The following ABLIM1 variants were observed in gnomAD, a reference collection of about 807,000 sequenced individuals.
ABLIM1 encodes actin-binding LIM protein 1.
A neutral mutation model predicts 107.0 loss-of-function variants in ABLIM1; 40 were observed. That is an observed-to-expected ratio of 0.37 (90% CI 0.29 to 0.49). The LOEUF is 0.49. Ranked by LOEUF, ABLIM1 falls within the 20% of genes least tolerant of loss-of-function variation. The pLI, the probability that ABLIM1 is intolerant of heterozygous loss-of-function variation, is 0.97. For missense variants in ABLIM1, 857 were observed against 1,008.5 expected (o/e 0.85, Z 2.04); for synonymous variants, 357 against 357.3 (o/e 1.00, Z 0.01).
intron 6 of ABLIM1, among the ~76,000 whole-genome samples, chr10:114,538,188 G>C (rs1433194445): frequency 6.6e-6 from 1 of 152,172 alleles, no homozygotes; most frequent in African/African-American, 2.4e-5. Flanking sequence ...CCTCAGCTTT[G>C]TGAAAAAGCA....
chr10:114,453,965 G>A (rs562770759), intron 12 of ABLIM1, among the ~76,000 whole-genome samples: 8 of 152,184 alleles, frequency 5.3e-5, no homozygotes, highest in Admixed American at 1.3e-4. Flanking sequence ...CTGGGAACCC[G>A]TGTGGTCACC....
exon 1 of ABLIM1, chr10:114,684,608 CT>C (rs2080884865): frequency 7.8e-7 from 1 of 1,286,080 alleles, no homozygotes. Context: ...GACCCTGCCC[CT>C]ACCACTTCTA....
At chr10:114,459,513 CT>C (rs1215506080) in intron 12 of ABLIM1, among the ~76,000 whole-genome samples, 1 of 151,928 alleles carries the variant, frequency 6.6e-6, no homozygotes, top group Non-Finnish European at 1.5e-5. Context: ...ATACACTAGG[CT>C]TTTAAAGCAA....
At chr10:114,622,672 A>C (rs1361968910) in intron 1 of ABLIM1, among the ~76,000 whole-genome samples, 1 of 152,166 alleles carries the variant, frequency 6.6e-6, no homozygotes, top group Non-Finnish European at 1.5e-5. Flanking sequence ...CTTGAACAAC[A>C]CGGGTTTGAA....
rs2532819 is a variant in ABLIM1, at chr10:114,707,663, G to T, written c.-213+60398C>A. On this transcript the variant is annotated intron_variant, in intron 1 of 15. Transcript: ENST00000651092. The surrounding 1 kb of genome is among the most constrained non-coding windows in gnomAD (Gnocchi z 4.1). Reference sequence around the variant, plus strand: ...ACTTATAATCCCAACACTTTGGGAGGCCGTGGTGGGCGGATCACTTAAGGC... The same window carrying T: ...ACTTATAATCCCAACACTTTGGGAGTCCGTGGTGGGCGGATCACTTAAGGC... Among the ~76,000 whole-genome samples the T allele has an allele frequency of 0.051, 7,702 of 152,152 alleles. 241 individuals carry two copies. The highest frequency in any genetic ancestry group is 0.092 in the Middle Eastern group (27 of 294).
chr10:114,781,883 T>C, the ABLIM1 span, among the ~76,000 whole-genome samples: 1 of 152,048 alleles, frequency 6.6e-6, no homozygotes, highest in Non-Finnish European at 1.5e-5. Context: ...TGTATCTGTT[T>C]GATCAGGAAA....
At chr10:114,729,484 A>G (rs1566280777) in intron 1 of ABLIM1, among the ~76,000 whole-genome samples, 3 of 152,172 alleles carry the variant, frequency 2.0e-5, no homozygotes, top group Non-Finnish European at 4.4e-5. Context: ...TAATTTGCAC[A>G]GTCCAATTCC....
intron 1 of ABLIM1, among the ~76,000 whole-genome samples, chr10:114,691,289 CAATT>C (rs2081072976): frequency 6.6e-6 from 1 of 152,080 alleles, no homozygotes; most frequent in African/African-American, 2.4e-5. Flanking sequence ...ACGTGGATGC[CAATT>C]AATTAATATC....
the ABLIM1 span, among the ~76,000 whole-genome samples, chr10:114,793,592 C>T: frequency 6.6e-6 from 1 of 152,192 alleles, no homozygotes; most frequent in African/African-American, 2.4e-5. Context: ...CCAGCTCCTG[C>T]ACCTGAAATC....
chr10:114,752,842 G>T (rs1372972323), intron 1 of ABLIM1, among the ~76,000 whole-genome samples: 3 of 152,140 alleles, frequency 2.0e-5, no homozygotes, highest in African/African-American at 7.2e-5. Context: ...GTCTATCATT[G>T]ATGGGCATTT....
chr10:114,611,668 A>T (rs1390714016), intron 1 of ABLIM1, among the ~76,000 whole-genome samples: 1 of 152,178 alleles, frequency 6.6e-6, no homozygotes, highest in Non-Finnish European at 1.5e-5. Flanking sequence ...TAGGATTATC[A>T]TAATTCAGCC....
chr10:114,775,038 G>A, the ABLIM1 span, among the ~76,000 whole-genome samples: 3 of 152,238 alleles, frequency 2.0e-5, no homozygotes, highest in South Asian at 4.1e-4. Flanking sequence ...TTGGATGACT[G>A]GGGAGGCCTC....
Position 114,473,105 on chromosome 10 carries a change from A to C in ABLIM1, c.1147T>G (p.Tyr383Asp). The stretch of plus-strand genomic sequence containing the variant: ...TTCGGAATGGCTGCTAAATCCTTGT[A>C]ATCCAGGATCTCATTGTCTACTTTT... The part of the protein sequence containing the change: ...YAKVDNEILD[Y>D]KDLAAIPKVK... Residue 383 changes from tyrosine to aspartate, a missense_variant, in exon 10 of 23, where the codon TAC (tyrosine) becomes GAC (aspartate). Coordinates refer to ENST00000533213, the MANE Select transcript of ABLIM1 (RefSeq NM_002313.7). The C allele has an allele frequency of 6.2e-7, 1 of 1,612,206 alleles. No individual in the cohort carries two copies. Among genetic ancestry groups the C allele is most frequent in the Non-Finnish European group, 8.5e-7 (1 of 1,179,018 alleles).
intron 6 of ABLIM1, among the ~76,000 whole-genome samples, chr10:114,492,228 C>T (rs1283493920): frequency 1.3e-5 from 2 of 152,070 alleles, no homozygotes; most frequent in African/African-American, 2.4e-5. Context: ...GGAGCTAATG[C>T]TGTTTCTAAC....
chr10:114,694,918 C>A (rs2081164375), intron 1 of ABLIM1, among the ~76,000 whole-genome samples: 1 of 152,192 alleles, frequency 6.6e-6, no homozygotes, highest in Non-Finnish European at 1.5e-5. Context: ...CGCAGCAGCG[C>A]CCTCACCTGG....
At chr10:114,797,529 C>T in the ABLIM1 span, among the ~76,000 whole-genome samples, 6 of 152,178 alleles carry the variant, frequency 3.9e-5, no homozygotes, top group African/African-American at 1.4e-4. Flanking sequence ...ATTCCATTCC[C>T]TTGTATCTTC....
chr10:114,736,798 A>C (rs2082189233), intron 1 of ABLIM1, among the ~76,000 whole-genome samples: 1 of 152,248 alleles, frequency 6.6e-6, no homozygotes, highest in Non-Finnish European at 1.5e-5. Flanking sequence ...AGAAGAGGGC[A>C]CACCTGCACA....
At chr10:114,438,012 T>C in intron 21 of ABLIM1, 88 bp from the exon 22 acceptor site, 2 of 1,255,476 alleles carry the variant, frequency 1.6e-6, no homozygotes, top group South Asian at 1.3e-5. Flanking sequence ...ACTCCCAAGA[T>C]AGAGCTTCCA....
chr10:114,553,262 T>C (rs921384268), intron 4 of ABLIM1, among the ~76,000 whole-genome samples: 2 of 152,222 alleles, frequency 1.3e-5, no homozygotes, highest in African/African-American at 4.8e-5. Context: ...ATGCTTCGAA[T>C]GTGTAGAGTC....
Sources: gnomAD v4.1 joint callset for allele counts (sites outside exome capture counted in the v4.1 genomes callset) on GRCh38, gnomAD v4.1.1 for gene constraint, Gnocchi (gnomAD v3.1) non-coding constraint, MANE v1.5 for transcripts, NCBI Gene and HGNC (gene_info 2026-07-23, HGNC 2026-07-21) for gene names.